ZFYVE16: variants seen among roughly 807,000 people sequenced by gnomAD.
ZFYVE16 encodes the protein zinc finger FYVE domain-containing protein 16.
In ZFYVE16, 89 loss-of-function variants were observed where a neutral mutation model predicts 138.1. The ratio of observed to expected loss-of-function variants is 0.64; its 90% confidence interval spans 0.54 to 0.77. ZFYVE16 has a LOEUF of 0.77. ZFYVE16 is among the 30% of genes least tolerant of loss of function. The pLI is 0.00. For missense variants in ZFYVE16, 1,793 were observed against 1,786.7 expected (o/e 1.00, Z -0.06); for synonymous variants, 596 against 618.3 (o/e 0.96, Z 0.53).
At position 80,446,516 on chromosome 5, in the gene ZFYVE16, T is replaced by TTC. The variant is rs200829647; in HGVS notation, c.2724+1114_2724+1115dup. On this transcript the variant is annotated intron_variant, in intron 7 of 18. Transcript: ENST00000505560. The stretch of plus-strand genomic sequence containing the variant: ...TCTGGCTTAATAGAAGACAAACATA[T>TTC]TCTCACATCTGGTTCTACATTCTGT... 3.3e-3 allele frequency among the ~76,000 whole-genome samples: 495 copies of TTC among 152,258 alleles called. 2 individuals are homozygous for TTC. Among genetic ancestry groups the TTC allele is most frequent in the African/African-American group, 0.011 (475 of 41,566 alleles).
rs1751589180 is a variant in ZFYVE16, at chr5:80,448,141, T to C, written c.2840T>C (p.Val947Ala). The change falls in exon 8 of 19, where the codon GTG becomes GCG. Residue 947 changes from valine (V) to alanine (A), a missense_variant. By Grantham distance (64) the Val-to-Ala change is moderately conservative. Transcript: ENST00000505560. ...AGTCCTATTTCTCAGGTTCCATCAG[T>C]GGAAAAATTGTCTATGAACACAGGA... ...IQSPISQVPS[V>A]EKLSMNTGNE... The C allele has an allele frequency of 3.1e-6, 5 of 1,613,958 alleles. No individual in the cohort carries two copies. Among genetic ancestry groups the C allele is most frequent in the Non-Finnish European group, 4.2e-6 (5 of 1,179,940 alleles).
chr5:80,477,469 AAT>A lies in ZFYVE16; in HGVS notation c.*95_*96del. ...AAATGCCACAAACACTAAAAGTATA[AAT>A]ATGTCTGATTTTTGAAACACATAAG... On this transcript the variant is annotated 3_prime_UTR_variant, in exon 19 of 19. Transcript: ENST00000505560. 1 of 1,216,310 alleles carries A rather than the reference AAT, an allele frequency of 8.2e-7. No homozygotes were observed. The highest frequency in any genetic ancestry group is 1.1e-6 in the Non-Finnish European group (1 of 907,736). The allele number at this position is 1,216,310 out of a possible 1,614,324, so 75.3% of individuals were successfully genotyped here.
At chr5:80,441,104 A>G in intron 5 of ZFYVE16, 1 of 985,454 alleles carries the variant, frequency 1.0e-6, no homozygotes, top group Non-Finnish European at 1.2e-6. Flanking sequence ...CTGTTTCAGT[A>G]GCCTAGAAGA....
Position 80,438,941 on chromosome 5 carries a change from C to T in ZFYVE16, c.2256C>T (p.Asn752=). 6.2e-7 allele frequency: 1 copy of T among 1,614,044 alleles called. No homozygotes were observed. Among genetic ancestry groups the T allele is most frequent in the East Asian group, 2.2e-5 (1 of 44,876 alleles). Residue 752 remains asparagine, a synonymous_variant, in exon 4 of 19, where the codon AAC becomes AAT. Coordinates refer to ENST00000505560, the MANE Select transcript of ZFYVE16 (RefSeq NM_001284236.3). ...PTWVPDSEAP[N]CMNCQVKFTF... The stretch of plus-strand genomic sequence containing the variant: ...GGGTTCCTGATTCAGAAGCTCCAAA[C>T]TGTATGAACTGCCAAGTCAAATTTA...
In ZFYVE16 at chr5:80,448,414, C is replaced by G; in HGVS notation, c.3103+10C>G. The G allele has an allele frequency of 6.8e-7, 1 of 1,468,158 alleles. No homozygotes were observed. 90.9% of individuals were successfully genotyped at this position (1,468,158 alleles called of 1,614,324 possible). On this transcript the variant is annotated intron_variant, in intron 8 of 18. Transcript: ENST00000505560. Reference sequence around the variant, plus strand: ...GGAGAAAAGGGATCAGGTAGGGAAGCAGTTATTTAAATTTAAAAAGATTTA... The same window carrying G: ...GGAGAAAAGGGATCAGGTAGGGAAGGAGTTATTTAAATTTAAAAAGATTTA...
rs755000614 is a variant in ZFYVE16, at chr5:80,449,581, C to A, written c.3104-10C>A. 9.4e-6 allele frequency: 15 copies of A among 1,599,534 alleles called. No individual in the cohort carries two copies. Among genetic ancestry groups the A allele is most frequent in the Non-Finnish European group, 1.3e-5 (15 of 1,175,406 alleles). ...TTTATCCTGATTAATATATTACTTTCATCATTTAGTGCCTGTAGTAGAAGA... is the reference window on the plus strand; with the variant it reads ...TTTATCCTGATTAATATATTACTTTAATCATTTAGTGCCTGTAGTAGAAGA... On this transcript the variant is annotated splice_polypyrimidine_tract_variant and intron_variant, in intron 8 of 18. Transcript: ENST00000505560.
intron 15 of ZFYVE16, among the ~76,000 whole-genome samples, chr5:80,463,782 C>G (rs1580335275): frequency 6.6e-6 from 1 of 152,302 alleles, no homozygotes; most frequent in East Asian, 1.9e-4. Flanking sequence ...CAAATCACCT[C>G]TTGAATGCTT....
At position 80,449,714 on chromosome 5, in the gene ZFYVE16, GTAAGTAATAATTTATCCTTA is replaced by G. The variant is rs1561299451; in HGVS notation, c.3226+3_3226+22del. 1 of 1,586,778 alleles carries G rather than the reference GTAAGTAATAATTTATCCTTA, an allele frequency of 6.3e-7. No individual in the cohort carries two copies. The highest frequency in any genetic ancestry group is 8.6e-7 in the Non-Finnish European group (1 of 1,169,456). On this transcript the variant is annotated splice_donor_variant and splice_donor_5th_base_variant and intron_variant, in intron 9 of 18. Transcript: ENST00000505560. LOFTEE classifies it high-confidence loss of function. Reference sequence around the variant, plus strand: ...CTCGTGAATGTCAAATTCATATTTTGTAAGTAATAATTTATCCTTATTTGCTTAATTGGTAAGCAGGATTT... The same window carrying G: ...CTCGTGAATGTCAAATTCATATTTTGTTTGCTTAATTGGTAAGCAGGATTT...
upstream of ZFYVE16, chr5:80,407,997 C>T (rs983752689): frequency 2.6e-5 from 4 of 152,338 alleles, no homozygotes; most frequent in Admixed American, 1.3e-4. Context: ...AGGAAAGCGT[C>T]CTCTGCGCCT....
At position 80,437,288 on chromosome 5, in the gene ZFYVE16, C is replaced by A. The variant is rs750879003; in HGVS notation, c.603C>A (p.Ile201=). The change falls in exon 4 of 19, where the codon ATC becomes ATA. Residue 201 remains isoleucine, a synonymous_variant. Transcript: ENST00000505560. The part of the protein sequence containing the change: ...DISSELQNRE[I]GGIKELGIKV... ...GTTCTGAATTACAAAATAGAGAAAT[C>A]GGAGGAATCAAAGAATTGGGTATAA... 3.7e-6 allele frequency: 6 copies of A among 1,608,334 alleles called. No homozygotes were observed. In the African/African-American group the frequency reaches 4.0e-5, roughly 11 times the overall value.
intron 18 of ZFYVE16, among the ~76,000 whole-genome samples, chr5:80,476,391 G>A (rs1337284208): frequency 1.3e-5 from 2 of 152,000 alleles, no homozygotes; most frequent in African/African-American, 4.8e-5. Flanking sequence ...TGAACTCCTG[G>A]GCTCAAGCAG....
At chr5:80,426,201 G>GGTGTGTGT (rs67789869) in intron 1 of ZFYVE16, among the ~76,000 whole-genome samples, 12 of 139,680 alleles carry the variant, frequency 8.6e-5, no homozygotes, top group African/African-American at 3.0e-4. Context: ...GTGTGTGTGT[G>GGTGTGTGT]GTGTGTGTGT....
rs906843331 is a variant in ZFYVE16, at chr5:80,460,323, A to C, written c.4024+829A>C. On this transcript the variant is annotated intron_variant, in intron 15 of 18. Transcript: ENST00000505560. Reference sequence around the variant, plus strand: ...TATCTTTTGCGCTTTTTTCTATTGGATTGTGCGTCTTTTTCTGACTGACTT... The same window carrying C: ...TATCTTTTGCGCTTTTTTCTATTGGCTTGTGCGTCTTTTTCTGACTGACTT... Among the ~76,000 whole-genome samples the C allele has an allele frequency of 2.0e-5, 3 of 151,848 alleles. No homozygotes were observed. The South Asian group carries it at 6.2e-4, about 31-fold the overall frequency.
intron 2 of ZFYVE16, among the ~76,000 whole-genome samples, chr5:80,432,481 C>T (rs919440413): frequency 6.6e-6 from 1 of 152,110 alleles, no homozygotes; most frequent in African/African-American, 2.4e-5. Context: ...ACTATAAAAA[C>T]CCTAGAAGAA....
At chr5:80,431,921 A>G (rs1021532236) in intron 2 of ZFYVE16, among the ~76,000 whole-genome samples, 5 of 152,202 alleles carry the variant, frequency 3.3e-5, no homozygotes, top group Non-Finnish European at 7.3e-5. Flanking sequence ...ACCACTGCTC[A>G]ATGAAATAAA....
intron 7 of ZFYVE16, among the ~76,000 whole-genome samples, chr5:80,446,065 T>C (rs904407000): frequency 3.3e-5 from 5 of 151,696 alleles, no homozygotes; most frequent in African/African-American, 1.2e-4. Context: ...CTGACTAATT[T>C]TTGTATTTTT....
chr5:80,449,894 G>A (rs1188088958), intron 9 of ZFYVE16, among the ~76,000 whole-genome samples, 181 bp downstream of exon 9: 1 of 152,118 alleles, frequency 6.6e-6, no homozygotes, highest in Non-Finnish European at 1.5e-5. Flanking sequence ...CTTGAAACAT[G>A]AGCTTACAGA....
At position 80,437,857 on chromosome 5, in the gene ZFYVE16, G is replaced by A. The variant is rs779379243; in HGVS notation, c.1172G>A (p.Ser391Asn). The part of the protein sequence containing the change: ...SGSMCGSLIE[S>N]KARGDFLPQH... ...TCTATGTGTGGATCATTAATTGAAA[G>A]TAAAGCACGGGGTGATTTTTTACCT... Residue 391 changes from serine to asparagine, a missense_variant, in exon 4 of 19, where the codon AGT becomes AAT. Ser to Asn is a conservative substitution (Grantham distance 46). Around this residue, in one of 2 missense-constraint regions of ZFYVE16, gnomAD observed 1,295 missense variants for 1,204.3 expected, o/e 1.08. Transcript: ENST00000505560. The A allele has an allele frequency of 1.9e-6, 3 of 1,614,034 alleles. No individual in the cohort carries two copies. Among genetic ancestry groups the A allele is most frequent in the East Asian group, 2.2e-5 (1 of 44,872 alleles).
At position 80,438,854 on chromosome 5, in the gene ZFYVE16, A is replaced by G; in HGVS notation, c.2169A>G (p.Glu723=). 6.2e-7 allele frequency: 1 copy of G among 1,614,126 alleles called. No homozygotes were observed. The highest frequency in any genetic ancestry group is 8.5e-7 in the Non-Finnish European group (1 of 1,179,956). The part of the protein sequence containing the change: ...EGGSSFVTAN[E]DSVPENTCKE... ...GATCTAGTTTCGTAACTGCAAATGA[A>G]GATTCTGTACCTGAAAACACTTGCA... is the stretch of plus-strand genomic sequence containing the variant. Residue 723 remains glutamate, a synonymous_variant, in exon 4 of 19, where the codon GAA becomes GAG. Coordinates refer to ENST00000505560, the MANE Select transcript of ZFYVE16 (RefSeq NM_001284236.3).
Sources: allele counts gnomAD v4.1 joint callset (sites outside exome capture counted in the v4.1 genomes callset), GRCh38; gene constraint gnomAD v4.1.1; regional missense constraint gnomAD v4.1.1; transcripts MANE v1.5; gene names NCBI Gene and HGNC (gene_info 2026-07-23, HGNC 2026-07-21).